Variants in ADAMTS17 observed in about 807,000 individuals in gnomAD.
ADAMTS17 encodes the protein A disintegrin and metalloproteinase with thrombospondin motifs 17.
Under a neutral mutation model 141.5 loss-of-function variants are expected in ADAMTS17, and 113 were observed. The ratio of observed to expected loss-of-function variants is 0.80; its 90% CI spans 0.69 to 0.93. The LOEUF (loss-of-function observed/expected upper bound fraction) is 0.93. ADAMTS17 is among the 40% of genes least tolerant of loss of function. ADAMTS17 has a pLI of 0.00. For synonymous variants in ADAMTS17, 768 were observed against 630.6 expected (o/e 1.22, Z -3.27); for missense variants, 1,659 against 1,517.9 (o/e 1.09, Z -1.54).
chr15:99,994,655 C>T (rs530143708), intron 19 of ADAMTS17, among the ~76,000 whole-genome samples: 1 of 152,346 alleles, frequency 6.6e-6, no homozygotes, highest in East Asian at 1.9e-4. Flanking sequence ...CAACCTCCGC[C>T]TCCCGGGTTC....
At chr15:100,075,052 G>A (rs570868950) in intron 15 of ADAMTS17, among the ~76,000 whole-genome samples, 3 of 152,058 alleles carry the variant, frequency 2.0e-5, no homozygotes, top group Non-Finnish European at 4.4e-5. Context: ...TTTATTTAAT[G>A]TTCTTCCATA....
intron 3 of ADAMTS17, among the ~76,000 whole-genome samples, chr15:100,301,325 A>T (rs994957228): frequency 2.7e-5 from 4 of 145,750 alleles, no homozygotes; most frequent in African/African-American, 1.0e-4. Flanking sequence ...TATGTGAGTT[A>T]TATATATATA....
At chr15:100,165,796 A>G (rs975466503) in intron 8 of ADAMTS17, among the ~76,000 whole-genome samples, 2 of 152,196 alleles carry the variant, frequency 1.3e-5, no homozygotes, top group African/African-American at 2.4e-5. Flanking sequence ...GTTCAGGTGA[A>G]AAGGCTGTAG....
At chr15:100,320,874 G>A (rs975242982) in intron 3 of ADAMTS17, among the ~76,000 whole-genome samples, 1 of 152,048 alleles carries the variant, frequency 6.6e-6, no homozygotes, top group Non-Finnish European at 1.5e-5. Flanking sequence ...AAGACAGTTT[G>A]GACAAAGCAA....
At chr15:100,063,766 C>T (rs1450269204) in intron 15 of ADAMTS17, 1 of 1,289,856 alleles carries the variant, frequency 7.8e-7, no homozygotes, top group Non-Finnish European at 1.0e-6. Context: ...TAACCTGTAG[C>T]AACAAACGAC....
chr15:99,981,256 T>G (rs916737145), intron 20 of ADAMTS17, among the ~76,000 whole-genome samples: 2 of 152,214 alleles, frequency 1.3e-5, no homozygotes, highest in African/African-American at 2.4e-5. Flanking sequence ...TTCCAGTCTA[T>G]AAATAGAACT....
At position 100,132,153 on chromosome 15, in the gene ADAMTS17, C is replaced by A. The variant is rs1235770156; in HGVS notation, c.1576-1G>T. On this transcript the variant is annotated splice_acceptor_variant, in intron 11 of 21. Transcript: ENST00000268070. LOFTEE classifies it high-confidence loss of function. ...TCACGCACTCCCCCGCGCGGCACCA[C>A]TGAAACACAGCGGGGAGGGTCGGGG... 5 of 1,613,272 alleles carry A rather than the reference C, an allele frequency of 3.1e-6. No homozygotes were observed. Among genetic ancestry groups the A allele is most frequent in the African/African-American group, 1.3e-5 (1 of 75,070 alleles).
At chr15:100,177,155 C>G (rs759486725) in intron 8 of ADAMTS17, among the ~76,000 whole-genome samples, 1 of 152,216 alleles carries the variant, frequency 6.6e-6, no homozygotes, top group African/African-American at 2.4e-5. Context: ...CTGGGCCATA[C>G]GTTAAGTTTT....
At chr15:100,225,370 G>A (rs533719172) in intron 7 of ADAMTS17, among the ~76,000 whole-genome samples, 2 of 152,372 alleles carry the variant, frequency 1.3e-5, no homozygotes, top group South Asian at 2.1e-4. Context: ...GGGACAAAGG[G>A]GACTTGGGGG....
At chr15:100,340,956 G>T in intron 2 of ADAMTS17, 83 bp downstream of exon 2, 1 of 1,502,992 alleles carries the variant, frequency 6.7e-7, no homozygotes, top group African/African-American at 1.4e-5. Flanking sequence ...TCCAGCAGAG[G>T]CGCCCCACCC....
chr15:100,179,806 T>C (rs1363594953), intron 8 of ADAMTS17, among the ~76,000 whole-genome samples: 1 of 152,336 alleles, frequency 6.6e-6, no homozygotes, highest in African/African-American at 2.4e-5. Flanking sequence ...TGATGAACAC[T>C]TTTTCATTTG....
intron 18 of ADAMTS17, among the ~76,000 whole-genome samples, chr15:100,015,052 G>T (rs1042217445): frequency 6.6e-6 from 1 of 152,134 alleles, no homozygotes; most frequent in Non-Finnish European, 1.5e-5. Context: ...CCAGTGTTAG[G>T]TGCATATATG....
intron 18 of ADAMTS17, among the ~76,000 whole-genome samples, chr15:100,024,293 ATTTTGTTG>A (rs1263907209): frequency 2.6e-5 from 4 of 152,154 alleles, no homozygotes; most frequent in African/African-American, 9.7e-5. Context: ...ATGTTGTCTC[ATTTTGTTG>A]CCCTGGCTGG....
chr15:100,112,222 C>A (rs987172237), intron 13 of ADAMTS17, among the ~76,000 whole-genome samples: 5 of 152,192 alleles, frequency 3.3e-5, no homozygotes, highest in South Asian at 4.1e-4. Context: ...GGGATGCTGG[C>A]CACGAGCCTT....
At chr15:100,300,559 C>G (rs1401241181) in intron 3 of ADAMTS17, among the ~76,000 whole-genome samples, 1 of 152,224 alleles carries the variant, frequency 6.6e-6, no homozygotes, top group Middle Eastern at 3.2e-3. Context: ...TGAAGTGCTT[C>G]CACGTGCAAA....
chr15:100,236,486 C>T (rs1032366318), intron 7 of ADAMTS17, among the ~76,000 whole-genome samples: 1 of 152,050 alleles, frequency 6.6e-6, no homozygotes, highest in Non-Finnish European at 1.5e-5. Context: ...ATCTACAGAG[C>T]CCTCTTACTA....
At chr15:100,189,879 G>C (rs1218854151) in intron 8 of ADAMTS17, among the ~76,000 whole-genome samples, 3 of 152,164 alleles carry the variant, frequency 2.0e-5, no homozygotes, top group Non-Finnish European at 4.4e-5. Flanking sequence ...GATACACCCA[G>C]CACCACAGGG....
chr15:100,198,433 T>C (rs2041201926), intron 8 of ADAMTS17, among the ~76,000 whole-genome samples: 1 of 152,366 alleles, frequency 6.6e-6, no homozygotes, highest in Admixed American at 6.5e-5. Context: ...CATCTTACTG[T>C]GTAGGTCATT....
At chr15:99,994,353 C>G (rs1163028597) in intron 19 of ADAMTS17, among the ~76,000 whole-genome samples, 1 of 151,858 alleles carries the variant, frequency 6.6e-6, no homozygotes, top group African/African-American at 2.4e-5. Context: ...TGCAGTAGTT[C>G]ACACCCATAA....
Sources: gnomAD v4.1 joint callset for allele counts (sites outside exome capture counted in the v4.1 genomes callset) on GRCh38, gnomAD v4.1.1 for gene constraint, MANE v1.5 for transcripts, NCBI Gene and HGNC (gene_info 2026-07-23, HGNC 2026-07-21) for gene names.